DIAPH2: variants seen among roughly 807,000 people sequenced by gnomAD.
DIAPH2 encodes the protein diaphanous related formin 2.
In DIAPH2, 35 loss-of-function variants were observed where a neutral mutation model predicts 92.7. The ratio of observed to expected loss-of-function variants is 0.38; its 90% CI spans 0.29 to 0.50. DIAPH2 has a LOEUF of 0.50. DIAPH2 is among the 20% of genes least tolerant of loss of function. The pLI is 0.94. For synonymous variants in DIAPH2, 301 were observed against 280.4 expected (o/e 1.07, Z -0.73); for missense variants, 701 against 819.5 (o/e 0.86, Z 1.77).
intron 26 of DIAPH2, among the ~76,000 whole-genome samples, chrX:97,531,233 C>G (rs763572548): frequency 1.6e-4 from 18 of 111,614 alleles, no homozygotes; most frequent in African/African-American, 5.9e-4. Context: ...CTTCCTCTCC[C>G]TTCCCCTTCC....
chrX:96,786,445 A>C (rs767019522), intron 4 of DIAPH2, among the ~76,000 whole-genome samples: 25 of 111,971 alleles, frequency 2.2e-4, no homozygotes, highest in Non-Finnish European at 4.1e-4. Context: ...CAGTATAAAA[A>C]CTGATAACAA....
chrX:97,093,240 A>T (rs762039519), intron 19 of DIAPH2, among the ~76,000 whole-genome samples: 1 of 107,782 alleles, frequency 9.3e-6, no homozygotes, highest in Admixed American at 1.0e-4. Flanking sequence ...GGAGGGGGGG[A>T]AAAAGAAAAC....
intron 26 of DIAPH2, among the ~76,000 whole-genome samples, chrX:97,462,484 G>T (rs1399960324): frequency 8.9e-6 from 1 of 112,188 alleles, no homozygotes; most frequent in Non-Finnish European, 1.9e-5. Flanking sequence ...ATCTGAAGTT[G>T]TTTACAATTT....
At chrX:96,852,209 A>G (rs1602565492) in intron 4 of DIAPH2, among the ~76,000 whole-genome samples, 1 of 112,384 alleles carries the variant, frequency 8.9e-6, no homozygotes, top group African/African-American at 3.2e-5. Context: ...CAGAAAAACA[A>G]CTTTTGAAAT....
At chrX:96,881,014 C>G (rs1013465914) in intron 4 of DIAPH2, among the ~76,000 whole-genome samples, 1 of 111,730 alleles carries the variant, frequency 9.0e-6, no homozygotes, top group African/African-American at 3.2e-5. Context: ...TAATTGGGAA[C>G]TGGTGAATGC....
chrX:96,718,160 T>C (rs1440944027), intron 1 of DIAPH2, among the ~76,000 whole-genome samples: 1 of 106,059 alleles, frequency 9.4e-6, no homozygotes, highest in Non-Finnish European at 1.9e-5. Context: ...TCAATTGTTA[T>C]AATTTTTTTA....
At chrX:96,885,449 C>CAAAAAAAAAAAAAAA (rs60706314) in intron 5 of DIAPH2, 2 of 34,256 alleles carry the variant, frequency 5.8e-5, no homozygotes, top group African/African-American at 2.4e-4. Context: ...AGCGAAAAGA[C>CAAAAAAAAAAAAAAA]AAAAAAAAAA....
At chrX:96,872,913 C>A (rs1400081326) in intron 4 of DIAPH2, among the ~76,000 whole-genome samples, 2 of 111,885 alleles carry the variant, frequency 1.8e-5, no homozygotes, top group African/African-American at 6.5e-5. Context: ...CTTTGATATA[C>A]TGATTCTTTC....
intron 23 of DIAPH2, among the ~76,000 whole-genome samples, chrX:97,342,388 G>A (rs1447769913): frequency 9.0e-6 from 1 of 111,544 alleles, no homozygotes; most frequent in Non-Finnish European, 1.9e-5. Flanking sequence ...AAGAACATGG[G>A]TTCTGGAGGC....
intron 23 of DIAPH2, among the ~76,000 whole-genome samples, chrX:97,299,713 A>AT (rs1242418514): frequency 8.9e-6 from 1 of 112,347 alleles, no homozygotes; most frequent in African/African-American, 3.2e-5. Context: ...AAAGCAAAAT[A>AT]TTTTTGTATT....
At chrX:97,359,678 A>AGCGATTCTCCTGCCTCAGCCTCCC (rs1444582360) in intron 24 of DIAPH2, among the ~76,000 whole-genome samples, 3 of 105,409 alleles carry the variant, frequency 2.8e-5, no homozygotes, top group African/African-American at 1.0e-4. Context: ...CCCAGGCTCA[A>AGCGATTCTCCTGCCTCAGCCTCCC]GCGATTCTCC....
At chrX:97,034,666 T>C (rs1192624869) in intron 17 of DIAPH2, among the ~76,000 whole-genome samples, 1 of 111,248 alleles carries the variant, frequency 9.0e-6, no homozygotes, top group Non-Finnish European at 1.9e-5. Context: ...TAACCTCCTC[T>C]TTTCTCGTAT....
intron 26 of DIAPH2, among the ~76,000 whole-genome samples, chrX:97,560,361 A>G (rs1016238189): frequency 8.9e-6 from 1 of 112,448 alleles, no homozygotes; most frequent in Non-Finnish European, 1.9e-5. Context: ...CTTGCAGTAT[A>G]CCATGTATAA....
intron 4 of DIAPH2, among the ~76,000 whole-genome samples, chrX:96,779,951 A>AC (rs2064404744): frequency 8.9e-6 from 1 of 112,002 alleles, no homozygotes; most frequent in Non-Finnish European, 1.9e-5. Flanking sequence ...ATGTTCAAAG[A>AC]CCTCAAAATT....
chrX:96,776,847 A>G (rs889767586), intron 4 of DIAPH2, among the ~76,000 whole-genome samples: 3 of 111,864 alleles, frequency 2.7e-5, no homozygotes, highest in Non-Finnish European at 5.6e-5. Context: ...CATTTTAGAA[A>G]ATGTGAGAAT....
intron 26 of DIAPH2, among the ~76,000 whole-genome samples, chrX:97,594,419 A>G (rs1465025519): frequency 2.7e-5 from 3 of 112,793 alleles, no homozygotes; most frequent in Admixed American, 1.9e-4. Flanking sequence ...ACAAGGGGGA[A>G]AAAATGTAAG....
chrX:97,018,983 C>T (rs955952668), intron 17 of DIAPH2, among the ~76,000 whole-genome samples: 1 of 111,505 alleles, frequency 9.0e-6, no homozygotes, highest in African/African-American at 3.3e-5. Flanking sequence ...TAAATCTTTC[C>T]GGATTCTTTC....
chrX:97,222,066 C>T lies in DIAPH2; in HGVS notation c.2720-25649C>T, dbSNP rs150680751. Among the ~76,000 whole-genome samples the T allele has an allele frequency of 8.2e-3, 910 of 111,205 alleles. 8 individuals carry two copies. The highest frequency in any genetic ancestry group is 0.027 in the African/African-American group (820 of 30,568). On this transcript the variant is annotated intron_variant, in intron 22 of 26. Coordinates refer to ENST00000324765, the MANE Select transcript of DIAPH2 (RefSeq NM_006729.5). ...ATTGTATTTCTACAGCAAACTTCAT[C>T]GTATTACACCAAAGCAAATACCATA... is the stretch of plus-strand genomic sequence containing the variant.
chrX:97,160,604 TGTC>T (rs768642204), intron 22 of DIAPH2, among the ~76,000 whole-genome samples: 18 of 112,016 alleles, frequency 1.6e-4, no homozygotes, highest in Non-Finnish European at 1.9e-5. Context: ...TATCACCTAC[TGTC>T]GTGGATTTCG....
Sources: gnomAD v4.1 joint callset for allele counts (sites outside exome capture counted in the v4.1 genomes callset) on GRCh38, gnomAD v4.1.1 for gene constraint, MANE v1.5 for transcripts, NCBI Gene and HGNC (gene_info 2026-07-23, HGNC 2026-07-21) for gene names.